Variants in TENT4B observed in about 807,000 individuals in gnomAD.
TENT4B encodes the protein terminal nucleotidyltransferase 4B.
A neutral mutation model predicts 75.0 loss-of-function variants in TENT4B; 10 were observed. The observed-to-expected ratio is 0.13, with a 90% CI of 0.08 to 0.23. TENT4B has a LOEUF of 0.23. Among genes scored for constraint, TENT4B ranks in the 10% least tolerant of loss-of-function variants. The pLI is 1.00. For missense variants in TENT4B, 579 were observed against 893.8 expected (o/e 0.65, Z 4.49); for synonymous variants, 350 against 357.7 (o/e 0.98, Z 0.24).
chr16:50,158,654 C>T (rs1019637879), intron 1 of TENT4B, among the ~76,000 whole-genome samples: 1 of 152,152 alleles, frequency 6.6e-6, no homozygotes, highest in Non-Finnish European at 1.5e-5. Flanking sequence ...TTTGTCCAAG[C>T]TCATGATAGG....
At position 50,211,453 on chromosome 16, in the gene TENT4B, C is replaced by T. The variant is rs542050786; in HGVS notation, c.762+7C>T. 2.9e-5 allele frequency: 46 copies of T among 1,568,304 alleles called. No homozygotes were observed. Among genetic ancestry groups the T allele is most frequent in the Middle Eastern group, 3.6e-4 (2 of 5,526 alleles). ...GCTCTGGCCCAGCGCTGACGTGAGT[C>T]CCTTCCTGGGTAGCTTATGCTTCGG... On this transcript the variant is annotated splice_region_variant and intron_variant, in intron 2 of 11. Coordinates refer to ENST00000561678, the MANE Select transcript of TENT4B (RefSeq NM_001365324.3).
At chr16:50,191,007 C>A (rs2038627780) in intron 1 of TENT4B, among the ~76,000 whole-genome samples, 2 of 151,982 alleles carry the variant, frequency 1.3e-5, no homozygotes, top group Admixed American at 1.3e-4. Context: ...AGCTTAATGT[C>A]CTCAAGGTTC....
upstream of TENT4B, among the ~76,000 whole-genome samples, chr16:50,153,203 A>G (rs1423523484): frequency 1.4e-3 from 72 of 52,862 alleles, no homozygotes; most frequent in Admixed American, 4.3e-3. Context: ...GGGCGGAGCG[A>G]GAGGGGCGGA....
intron 1 of TENT4B, among the ~76,000 whole-genome samples, chr16:50,206,996 G>A (rs1385777394): frequency 6.8e-6 from 1 of 146,314 alleles, no homozygotes; most frequent in Non-Finnish European, 1.5e-5. Flanking sequence ...CATATTAAAT[G>A]TTCTGTTATT....
chr16:50,210,917 C>A (rs1046140739), intron 1 of TENT4B, among the ~76,000 whole-genome samples: 1 of 152,186 alleles, frequency 6.6e-6, no homozygotes, highest in African/African-American at 2.4e-5. Flanking sequence ...ACTGAGCAAA[C>A]ATTATGAAAG....
intron 1 of TENT4B, among the ~76,000 whole-genome samples, chr16:50,198,840 T>C (rs933748134): frequency 1.3e-5 from 2 of 152,230 alleles, no homozygotes; most frequent in African/African-American, 4.8e-5. Flanking sequence ...GAAATAGCCA[T>C]AGATCTGAAA....
Position 50,229,273 on chromosome 16 carries a change from A to G in TENT4B, c.2087A>G (p.His696Arg), listed in dbSNP as rs747925256. Residue 696 changes from histidine (H) to arginine (R), a missense_variant, in exon 12 of 12, where the codon CAT (histidine) becomes CGT (arginine). His to Arg is a conservative substitution (Grantham distance 29, BLOSUM62 0). Coordinates refer to ENST00000561678, the MANE Select transcript of TENT4B (RefSeq NM_001365324.3). ...GGCAAATCCAATAATCAGTATTACC[A>G]TGGCAAAAAGAGGAAACACAAGAGG... is the stretch of plus-strand genomic sequence containing the variant. ...HQGKSNNQYY[H>R]GKKRKHKRDA... 1 of 1,613,966 alleles carries G rather than the reference A, an allele frequency of 6.2e-7. No individual in the cohort carries two copies.
At chr16:50,172,725 G>A (rs998859383) in intron 1 of TENT4B, among the ~76,000 whole-genome samples, 1 of 151,872 alleles carries the variant, frequency 6.6e-6, no homozygotes, top group African/African-American at 2.4e-5. Context: ...ATGAGTGTTG[G>A]CAAATATATC....
At chr16:50,156,843 G>T (rs1388766525) in intron 1 of TENT4B, among the ~76,000 whole-genome samples, 1 of 151,738 alleles carries the variant, frequency 6.6e-6, no homozygotes, top group Non-Finnish European at 1.5e-5. Flanking sequence ...TTTACTTTTT[G>T]TAGAGATGGG....
intron 1 of TENT4B, among the ~76,000 whole-genome samples, chr16:50,209,884 G>A (rs199771665): frequency 6.6e-6 from 1 of 152,212 alleles, no homozygotes; most frequent in Non-Finnish European, 1.5e-5. Flanking sequence ...AGTCTTTGGG[G>A]ATTGGGATGT....
In TENT4B at chr16:50,226,071, C is replaced by G. The variant is rs981403874; in HGVS notation, c.1800+786C>G. 2.6e-5 allele frequency among the ~76,000 whole-genome samples: 4 copies of G among 151,962 alleles called. No individual in the cohort carries two copies. In the East Asian group the frequency reaches 7.7e-4, roughly 29 times the overall value. On this transcript the variant is annotated intron_variant, in intron 10 of 11. Coordinates refer to ENST00000561678, the MANE Select transcript of TENT4B (RefSeq NM_001365324.3). ...CTGGAATGTAATGGCATGATCTTCA[C>G]TCACCTCAACCTTCGCCTCCTGGGT...
chr16:50,206,434 GAC>G, intron 1 of TENT4B, among the ~76,000 whole-genome samples: 1 of 138,314 alleles, frequency 7.2e-6, no homozygotes, highest in East Asian at 2.2e-4. Flanking sequence ...TCCTGTTATT[GAC>G]AGTTATCGAA....
chr16:50,215,820 A>C (rs2031524697), intron 3 of TENT4B, among the ~76,000 whole-genome samples: 1 of 151,674 alleles, frequency 6.6e-6, no homozygotes, highest in African/African-American at 2.4e-5. Context: ...TTTTTCTTTG[A>C]GGTTTTACTT....
chr16:50,153,708 G>A lies in TENT4B; in HGVS notation c.87G>A (p.Gly29=), dbSNP rs2037823321. The A allele has an allele frequency of 9.6e-7, 1 of 1,039,352 alleles. No homozygotes were observed. Among genetic ancestry groups the A allele is most frequent in the South Asian group, 4.3e-5 (1 of 23,182 alleles). 64.4% of individuals were successfully genotyped at this position (1,039,352 alleles called of 1,614,324 possible). ...LWMQIWETTQ[G]LRNLYFNHHC... ...TGCAGATCTGGGAGACGACCCAGGG[G>A]CTGAGGAACCTCTACTTCAACCACC... The change falls in exon 1 of 12, where the codon GGG becomes GGA. Residue 29 remains glycine (G), a synonymous_variant. Coordinates refer to ENST00000561678, the MANE Select transcript of TENT4B (RefSeq NM_001365324.3).
At chr16:50,167,342 C>T (rs1224520958) in intron 1 of TENT4B, among the ~76,000 whole-genome samples, 2 of 150,778 alleles carry the variant, frequency 1.3e-5, no homozygotes, top group Non-Finnish European at 2.9e-5. Context: ...ATGCTAGACC[C>T]TTATCAGATG....
At chr16:50,205,715 C>T (rs1392484039) in intron 1 of TENT4B, among the ~76,000 whole-genome samples, 2 of 151,220 alleles carry the variant, frequency 1.3e-5, no homozygotes, top group African/African-American at 2.4e-5. Flanking sequence ...CTCAGCCTCC[C>T]GAGTAGCTGG....
intron 1 of TENT4B, among the ~76,000 whole-genome samples, chr16:50,163,876 C>T (rs1037355844): frequency 2.6e-5 from 4 of 151,398 alleles, no homozygotes; most frequent in Admixed American, 6.6e-5. Context: ...AATGGGGTCT[C>T]GCCGGGTGCG....
intron 1 of TENT4B, among the ~76,000 whole-genome samples, chr16:50,194,996 G>A (rs892754726): frequency 2.6e-5 from 4 of 151,962 alleles, no homozygotes; most frequent in South Asian, 2.1e-4. Flanking sequence ...TGATCCGCCT[G>A]CCTCGGCCTC....
chr16:50,227,409 C>T (rs536582797), intron 10 of TENT4B, among the ~76,000 whole-genome samples: 1 of 152,298 alleles, frequency 6.6e-6, no homozygotes, highest in South Asian at 2.1e-4. Context: ...TCCACCCCCA[C>T]CCACACCAGT....
Sources: allele counts gnomAD v4.1 joint callset (sites outside exome capture counted in the v4.1 genomes callset), GRCh38; gene constraint gnomAD v4.1.1; transcripts MANE v1.5; gene names NCBI Gene and HGNC (gene_info 2026-07-23, HGNC 2026-07-21).